The following KIF6 variants were observed in gnomAD, a reference collection of about 807,000 sequenced individuals.
KIF6 encodes the protein kinesin-like protein KIF6.
KIF6 carries 106 observed loss-of-function variants against 112.7 expected under a neutral mutation model. The observed-to-expected ratio is 0.94, with a 90% CI of 0.80 to 1.11. The LOEUF is 1.11. Among genes scored for constraint, KIF6 ranks in the 50% least tolerant of loss-of-function variants. The pLI, the probability that KIF6 is intolerant of heterozygous loss-of-function variation, is 0.00. For missense variants in KIF6, 929 were observed against 964.0 expected, an observed-to-expected ratio of 0.96 and a Z score of 0.48; for synonymous variants, 339 against 339.9, an observed-to-expected ratio of 1.00 and a Z score of 0.03.
rs1763829958 is a variant in KIF6, at chr6:39,346,636, A to G, written c.2181-110T>C. ...AAGAGTCCTGTCTTGGATGGTTTACACAGTAATTTTCTTTTTTTCTTTTTT... is the reference window on the plus strand; with the variant it reads ...AAGAGTCCTGTCTTGGATGGTTTACGCAGTAATTTTCTTTTTTTCTTTTTT... On this transcript the variant is annotated intron_variant, in intron 19 of 22. Coordinates refer to ENST00000287152, the MANE Select transcript of KIF6 (RefSeq NM_145027.6). The G allele has an allele frequency of 5.4e-6, 3 of 551,088 alleles. No homozygotes were observed. The South Asian group carries it at 7.8e-5, about 14-fold the overall frequency. 34.1% of individuals were successfully genotyped at this position (551,088 alleles called of 1,614,324 possible).
At chr6:39,550,010 T>G (rs1779279632) in intron 10 of KIF6, among the ~76,000 whole-genome samples, 1 of 151,770 alleles carries the variant, frequency 6.6e-6, no homozygotes, top group Non-Finnish European at 1.5e-5. Flanking sequence ...AGTCCCGAAA[T>G]TTTTGGCCAG....
rs200252785 is a variant in KIF6, at chr6:39,541,151, G to T, written c.1427-930C>A. Among the ~76,000 whole-genome samples, 3 of 152,174 alleles carry T rather than the reference G, an allele frequency of 2.0e-5. No homozygotes were observed. In the East Asian group the frequency reaches 5.8e-4, roughly 29 times the overall value. ...AAAGGGTAAACTTTTCAGAGGAAGGGGATACAGAGAGCACTGCTACTTAGA... is the reference window on the plus strand; with the variant it reads ...AAAGGGTAAACTTTTCAGAGGAAGGTGATACAGAGAGCACTGCTACTTAGA... On this transcript the variant is annotated intron_variant, in intron 12 of 22. Transcript: ENST00000287152.
At chr6:39,402,634 A>G (rs1768791843) in intron 15 of KIF6, among the ~76,000 whole-genome samples, 1 of 152,174 alleles carries the variant, frequency 6.6e-6, no homozygotes, top group South Asian at 2.1e-4. Flanking sequence ...ACTTATTTGT[A>G]GTGACCTATT....
At chr6:39,411,270 C>T (rs1344442434) in intron 15 of KIF6, among the ~76,000 whole-genome samples, 1 of 152,184 alleles carries the variant, frequency 6.6e-6, no homozygotes, top group South Asian at 2.1e-4. Context: ...ACGCTGGGCT[C>T]TAAGGCCACC....
At chr6:39,642,992 T>G (rs928470229) in intron 3 of KIF6, among the ~76,000 whole-genome samples, 6 of 152,166 alleles carry the variant, frequency 3.9e-5, no homozygotes, top group Non-Finnish European at 8.8e-5. Context: ...GGAAATTTAT[T>G]TCATTATCTT....
intron 3 of KIF6, among the ~76,000 whole-genome samples, chr6:39,689,625 G>A (rs1788069304): frequency 6.6e-6 from 1 of 151,994 alleles, no homozygotes; most frequent in Admixed American, 6.6e-5. Context: ...GAGGGCCAGG[G>A]TCTCACTCTG....
chr6:39,630,075 C>A (rs1784280705), intron 5 of KIF6, among the ~76,000 whole-genome samples: 1 of 152,014 alleles, frequency 6.6e-6, no homozygotes, highest in Non-Finnish European at 1.5e-5. Flanking sequence ...ACCATACTGC[C>A]TTAATTACCA....
intron 10 of KIF6, among the ~76,000 whole-genome samples, chr6:39,552,314 C>A (rs984300982): frequency 6.6e-6 from 1 of 152,156 alleles, no homozygotes; most frequent in East Asian, 1.9e-4. Context: ...TCTTTATACC[C>A]GCCTTGTCCC....
Position 39,656,316 on chromosome 6 carries a change from C to G in KIF6, c.252-16559G>C, listed in dbSNP as rs536534331. Among the ~76,000 whole-genome samples, 13 of 152,276 alleles carry G rather than the reference C, an allele frequency of 8.5e-5. No individual in the cohort carries two copies. The East Asian group carries it at 2.3e-3, about 27-fold the overall frequency. ...CGATTATGTGTGCTACCTACCTATA[C>G]TCTAGACTGCCTTTGCCTCTGAGAA... On this transcript the variant is annotated intron_variant, in intron 3 of 22. Coordinates refer to ENST00000287152, the MANE Select transcript of KIF6 (RefSeq NM_145027.6).
At position 39,530,587 on chromosome 6, in the gene KIF6, C is replaced by T. The variant is rs375685239; in HGVS notation, c.1645+9416G>A. Among the ~76,000 whole-genome samples, 72 of 152,278 alleles carry T rather than the reference C, an allele frequency of 4.7e-4. No homozygotes were observed. In the East Asian group the frequency reaches 8.7e-3, roughly 18 times the overall value. ...TTCCTTGGCCATGTCAGGCTGCTTG[C>T]GCAATGACTCTGCAGGGCTCTCTAG... On this transcript the variant is annotated intron_variant, in intron 13 of 22. Transcript: ENST00000287152.
chr6:39,365,212 C>T (rs1294236070), intron 16 of KIF6, among the ~76,000 whole-genome samples: 1 of 152,160 alleles, frequency 6.6e-6, no homozygotes, highest in East Asian at 1.9e-4. Context: ...TGCCATTGAC[C>T]CCCCTTTTCC....
chr6:39,513,255 C>T (rs1445142243), intron 13 of KIF6, among the ~76,000 whole-genome samples: 4 of 152,198 alleles, frequency 2.6e-5, no homozygotes, highest in Non-Finnish European at 5.9e-5. Flanking sequence ...GCACCTGTGG[C>T]ATCTGCATCA....
intron 15 of KIF6, among the ~76,000 whole-genome samples, chr6:39,394,939 C>T (rs12176100): frequency 0.17 from 25,751 of 152,198 alleles, 3,296 homozygotes; most frequent in African/African-American, 0.35. Flanking sequence ...CCCATCACCT[C>T]GGCCCTATCT....
At chr6:39,359,570 C>T (rs558218621) in intron 18 of KIF6, among the ~76,000 whole-genome samples, 1 of 151,870 alleles carries the variant, frequency 6.6e-6, no homozygotes, top group African/African-American at 2.4e-5. Flanking sequence ...ACTTGAACAG[C>T]TATGTGATTT....
At chr6:39,488,392 C>T (rs1273078978) in intron 13 of KIF6, among the ~76,000 whole-genome samples, 2 of 152,192 alleles carry the variant, frequency 1.3e-5, no homozygotes, top group African/African-American at 2.4e-5. Context: ...ATAGTCTGCT[C>T]CCCTGTCTTG....
At chr6:39,588,198 G>A (rs1456739349) in intron 7 of KIF6, among the ~76,000 whole-genome samples, 2 of 151,922 alleles carry the variant, frequency 1.3e-5, no homozygotes, top group Non-Finnish European at 2.9e-5. Context: ...CAATCACCTG[G>A]CTTTAATTAT....
chr6:39,648,597 A>C (rs1208671276), intron 3 of KIF6, among the ~76,000 whole-genome samples: 2 of 152,096 alleles, frequency 1.3e-5, no homozygotes, highest in Admixed American at 1.3e-4. Flanking sequence ...TTTTTGCGAG[A>C]CATGTTCTTC....
chr6:39,552,776 G>A (rs1414440534), intron 10 of KIF6, among the ~76,000 whole-genome samples: 1 of 152,134 alleles, frequency 6.6e-6, no homozygotes, highest in East Asian at 1.9e-4. Context: ...TTTTTAACAG[G>A]CTGAAATGGT....
At chr6:39,716,033 T>C (rs1383383659) in intron 2 of KIF6, among the ~76,000 whole-genome samples, 1 of 152,178 alleles carries the variant, frequency 6.6e-6, no homozygotes, top group Non-Finnish European at 1.5e-5. Context: ...AGATGGGTGA[T>C]GACTGGGTGA....
Sources: allele counts gnomAD v4.1 joint callset (sites outside exome capture counted in the v4.1 genomes callset), GRCh38; gene constraint gnomAD v4.1.1; transcripts MANE v1.5; gene names NCBI Gene and HGNC (gene_info 2026-07-23, HGNC 2026-07-21).